RELB: variants seen among roughly 807,000 people sequenced by gnomAD.
The protein encoded by RELB is transcription factor RelB.
Under a neutral mutation model 55.4 loss-of-function variants are expected in RELB, and 14 were observed. The ratio of observed to expected loss-of-function variants is 0.25; its 90% CI spans 0.17 to 0.40. The LOEUF (loss-of-function observed/expected upper bound fraction) is 0.40. RELB is among the 10% of genes least tolerant of loss of function. The pLI is 1.00. For synonymous variants in RELB, 409 were observed against 371.3 expected, an observed-to-expected ratio of 1.10 and a Z score of -1.17; for missense variants, 669 against 830.7, an observed-to-expected ratio of 0.81 and a Z score of 2.39.
intron 2 of RELB, among the ~76,000 whole-genome samples, chr19:45,005,118 C>T (rs561864362): frequency 2.6e-5 from 4 of 152,182 alleles, no homozygotes; most frequent in Non-Finnish European, 5.9e-5. Context: ...TTGCAGTGAG[C>T]GGGGATCGTG....
chr19:45,036,167 G>A (rs1010042575), intron 11 of RELB, among the ~76,000 whole-genome samples: 3 of 152,028 alleles, frequency 2.0e-5, no homozygotes, highest in East Asian at 1.9e-4. Flanking sequence ...CCACCTCCCA[G>A]GTTCAAGTGA....
At chr19:45,023,309 T>C (rs1190576829) in intron 5 of RELB, among the ~76,000 whole-genome samples, 1 of 152,062 alleles carries the variant, frequency 6.6e-6, no homozygotes, top group East Asian at 1.9e-4. Context: ...CAGCACCGAG[T>C]ATTATGAAAC....
In RELB at chr19:45,001,566, G is replaced by C; in HGVS notation, c.-14G>C. 7.0e-7 allele frequency: 1 copy of C among 1,432,832 alleles called. No individual in the cohort carries two copies. The allele number at this position is 1,432,832 out of a possible 1,614,324, so 88.8% of individuals were successfully genotyped here. A position where few individuals can be genotyped will look rare whatever the true frequency, so the allele number is the denominator to read the frequency against. Reference sequence around the variant, plus strand: ...CCAGACCGTGCCTCCCGGCCGCCCGGCCGGCCCGCGTGCATGCTTCGGTCT... The same window carrying C: ...CCAGACCGTGCCTCCCGGCCGCCCGCCCGGCCCGCGTGCATGCTTCGGTCT... On this transcript the variant is annotated 5_prime_UTR_variant, in exon 1 of 12. Coordinates refer to ENST00000221452, the MANE Select transcript of RELB (RefSeq NM_006509.4).
intron 4 of RELB, among the ~76,000 whole-genome samples, chr19:45,018,630 A>C (rs1377525647): frequency 6.6e-6 from 1 of 151,990 alleles, no homozygotes; most frequent in Non-Finnish European, 1.5e-5. Flanking sequence ...GTTAAAAAAT[A>C]ATACACTGAG....
In RELB at chr19:45,002,959, C is replaced by T. The variant is rs1971232394; in HGVS notation, c.117C>T (p.Asp39=). Residue 39 remains aspartate (D), a synonymous_variant, in exon 2 of 12, where the codon GAC becomes GAT. Coordinates refer to ENST00000221452, the MANE Select transcript of RELB (RefSeq NM_006509.4). Reference sequence around the variant, plus strand: ...TCTCCTTCTCTGCAGGGTCCCCCGACCTCTCCTCACTCTCGCTCGCCGTTT... The same window carrying T: ...TCTCCTTCTCTGCAGGGTCCCCCGATCTCTCCTCACTCTCGCTCGCCGTTT... The part of the protein sequence containing the change: ...APELGALGSP[D]LSSLSLAVSR... 6.2e-7 allele frequency: 1 copy of T among 1,613,574 alleles called. No individual in the cohort carries two copies. Among genetic ancestry groups the T allele is most frequent in the Admixed American group, 1.7e-5 (1 of 59,966 alleles).
intron 7 of RELB, among the ~76,000 whole-genome samples, chr19:45,027,984 A>G (rs546838921): frequency 2.4e-4 from 36 of 152,130 alleles, no homozygotes; most frequent in Admixed American, 3.9e-4. Context: ...GGCTCAAGTG[A>G]TCCTCCCAGT....
At chr19:45,010,511 AG>A in intron 3 of RELB, among the ~76,000 whole-genome samples, 1 of 151,812 alleles carries the variant, frequency 6.6e-6, no homozygotes, top group East Asian at 1.9e-4. Context: ...GAGCTGTGAA[AG>A]AAATAAACAG....
At chr19:45,020,023 G>T (rs905658359) in intron 4 of RELB, among the ~76,000 whole-genome samples, 3 of 151,670 alleles carry the variant, frequency 2.0e-5, no homozygotes, top group Non-Finnish European at 4.4e-5. Context: ...CTCCCAAAGC[G>T]TCGGGATTAC....
chr19:45,016,994 C>T (rs1429533504), intron 4 of RELB, among the ~76,000 whole-genome samples: 2 of 152,106 alleles, frequency 1.3e-5, no homozygotes, highest in African/African-American at 4.8e-5. Context: ...GATGGCTGTG[C>T]GGGACTGTCC....
chr19:45,019,317 C>A (rs1450328421), intron 4 of RELB, among the ~76,000 whole-genome samples: 3 of 151,950 alleles, frequency 2.0e-5, no homozygotes, highest in Non-Finnish European at 4.4e-5. Flanking sequence ...CCTTCCCTGG[C>A]CTCCAAAAAG....
chr19:45,032,214 G>A (rs890648330), intron 8 of RELB, among the ~76,000 whole-genome samples: 26 of 151,552 alleles, frequency 1.7e-4, no homozygotes, highest in African/African-American at 6.3e-4. Flanking sequence ...TCAGCCTGGA[G>A]GCAGAGTGAG....
At chr19:45,017,206 G>T (rs932118660) in intron 4 of RELB, among the ~76,000 whole-genome samples, 4 of 152,124 alleles carry the variant, frequency 2.6e-5, no homozygotes, top group African/African-American at 9.7e-5. Flanking sequence ...TGCCAGCAGG[G>T]CTGAGCCAGT....
At chr19:45,020,026 G>A (rs926764316) in intron 4 of RELB, among the ~76,000 whole-genome samples, 3 of 151,678 alleles carry the variant, frequency 2.0e-5, no homozygotes, top group Non-Finnish European at 4.4e-5. Flanking sequence ...CCAAAGCGTC[G>A]GGATTACAGG....
At chr19:45,006,680 G>C (rs1012239993) in intron 2 of RELB, among the ~76,000 whole-genome samples, 2 of 151,952 alleles carry the variant, frequency 1.3e-5, no homozygotes, top group African/African-American at 2.4e-5. Context: ...GATAAAACAG[G>C]CTGGGTGTGG....
intron 4 of RELB, among the ~76,000 whole-genome samples, chr19:45,017,645 A>G (rs1467043507): frequency 2.0e-5 from 3 of 150,258 alleles, no homozygotes; most frequent in Non-Finnish European, 3.0e-5. Context: ...ATACATTTTG[A>G]TGAATTTGTT....
chr19:45,010,329 TTAAAA>T (rs1971335118), intron 3 of RELB, among the ~76,000 whole-genome samples: 1 of 147,538 alleles, frequency 6.8e-6, no homozygotes, highest in African/African-American at 2.5e-5. Flanking sequence ...AGAAAACCAA[TTAAAA>T]TAAAATAATG....
chr19:45,002,811 C>T (rs1432958449), intron 1 of RELB, 138 bp from the exon 2 acceptor site: 3 of 654,870 alleles, frequency 4.6e-6, no homozygotes, highest in South Asian at 1.8e-5. Context: ...CCTGGCCAGA[C>T]GCAGGGGGGC....
At position 45,012,120 on chromosome 19, in the gene RELB, CCCAGCG is replaced by C. The variant is rs1203273164; in HGVS notation, c.351_356del (p.Ala118_Pro119del). On this transcript the variant is annotated inframe_deletion, in exon 4 of 12. Transcript: ENST00000221452. Reference sequence around the variant, plus strand: ...GCTGCCCCCTGGGCCGACTAGTGTCCCCAGCGCCGGGCCCGGGCCCGCAGCCGCACC... The same window carrying C: ...GCTGCCCCCTGGGCCGACTAGTGTCCCCGGGCCCGGGCCCGCAGCCGCACC... The C allele has an allele frequency of 1.9e-6, 3 of 1,556,194 alleles. No individual in the cohort carries two copies. The African/African-American group carries it at 4.3e-5, about 22-fold the overall frequency.
intron 3 of RELB, among the ~76,000 whole-genome samples, chr19:45,011,526 G>C (rs1328917420): frequency 6.6e-6 from 1 of 151,754 alleles, no homozygotes; most frequent in Admixed American, 6.6e-5. Flanking sequence ...TCACGATCTT[G>C]ACTTACTGCA....
Sources: allele counts gnomAD v4.1 joint callset (sites outside exome capture counted in the v4.1 genomes callset), GRCh38; gene constraint gnomAD v4.1.1; transcripts MANE v1.5; gene names NCBI Gene and HGNC (gene_info 2026-07-23, HGNC 2026-07-21).